The following ETNK1 variants were observed in gnomAD, a reference collection of about 807,000 sequenced individuals.
ETNK1 encodes putative protein product of Nbla10396.
ETNK1 carries 8 observed loss-of-function variants against 45.1 expected under a neutral mutation model. That is an observed-to-expected ratio of 0.18 (90% CI 0.10 to 0.32). The LOEUF is 0.32. Ranked by LOEUF, ETNK1 falls within the 10% of genes least tolerant of loss-of-function variation. The probability of loss-of-function intolerance (pLI) is 1.00; values close to 1 mark genes in which losing one functional copy is unlikely to be tolerated. For synonymous variants in ETNK1, 152 were observed against 151.9 expected (o/e 1.00, Z -0.01); for missense variants, 302 against 430.6 (o/e 0.70, Z 2.64).
rs1954289226 is a variant in ETNK1 at position 22,689,856 on chromosome 12, A to G, written c.*4902A>G. 1 of 152,022 alleles carries G rather than the reference A, an allele frequency of 6.6e-6. No homozygotes were observed. The highest frequency in any genetic ancestry group is 1.5e-5 in the Non-Finnish European group (1 of 67,886). The allele number at this position is 152,022 out of a possible 1,614,324, so 9.4% of individuals were successfully genotyped here. The stretch of plus-strand genomic sequence containing the variant: ...GAAGTAGTTTCCTATATTTATCTGT[A>G]CTAAATTGACTATAAATTGAGTCTG... On this transcript the variant is annotated 3_prime_UTR_variant, in exon 8 of 8. Coordinates refer to ENST00000266517, the MANE Select transcript of ETNK1 (RefSeq NM_018638.5).
chr12:22,642,331 T>G (rs951450184), intron 1 of ETNK1, among the ~76,000 whole-genome samples: 3 of 152,062 alleles, frequency 2.0e-5, no homozygotes, highest in Non-Finnish European at 4.4e-5. Flanking sequence ...CAGATTTTAA[T>G]AAAATTATGA....
At chr12:22,650,861 T>A (rs1953865893) in intron 2 of ETNK1, among the ~76,000 whole-genome samples, 1 of 152,194 alleles carries the variant, frequency 6.6e-6, no homozygotes, top group Admixed American at 6.5e-5. Context: ...GCATTTTATT[T>A]AGTTAATAAA....
chr12:22,666,059 A>G lies in ETNK1; in HGVS notation c.700+4854A>G, dbSNP rs557448121. Among the ~76,000 whole-genome samples, 4 of 152,198 alleles carry G rather than the reference A, an allele frequency of 2.6e-5. No individual in the cohort carries two copies. In the South Asian group the frequency reaches 8.3e-4, roughly 31 times the overall value. On this transcript the variant is annotated intron_variant, in intron 4 of 7. Coordinates refer to ENST00000266517, the MANE Select transcript of ETNK1 (RefSeq NM_018638.5). ...GTAGGCATTTTTACATGCGAATGTT[A>G]TTGGAACAGATAGGCATCACGGGAA...
At chr12:22,684,244 C>G (rs1954239191) in intron 6 of ETNK1, among the ~76,000 whole-genome samples, 3 of 152,012 alleles carry the variant, frequency 2.0e-5, no homozygotes, top group Admixed American at 1.3e-4. Flanking sequence ...AGGAACTGGC[C>G]TCTATTTTTC....
intron 4 of ETNK1, among the ~76,000 whole-genome samples, chr12:22,661,534 T>C (rs1953999117): frequency 6.6e-6 from 1 of 152,164 alleles, no homozygotes; most frequent in Non-Finnish European, 1.5e-5. Flanking sequence ...AACATGTACC[T>C]GCTTGTAATG....
Position 22,661,157 on chromosome 12 carries a change from T to C in ETNK1, c.652T>C (p.Cys218Arg), listed in dbSNP as rs1953995253. Residue 218 changes from cysteine to arginine, a missense_variant, in exon 4 of 8, where the codon TGC (cysteine) becomes CGC (arginine). Physicochemically the swap from Cys to Arg is radical, Grantham distance 180 (BLOSUM62 -3). Transcript: ENST00000266517. ...CAACCTGGGCTCACCTGTTGTGCTT[T>C]GCCATAATGACCTATTGTGTAAGAA... Reference protein sequence around the residue: ...LSNLGSPVVLCHNDLLCKNII... With the variant: ...LSNLGSPVVLRHNDLLCKNII... The C allele has an allele frequency of 6.2e-7, 1 of 1,612,402 alleles. No homozygotes were observed. Among genetic ancestry groups the C allele is most frequent in the Admixed American group, 1.7e-5 (1 of 59,550 alleles).
chr12:22,630,317 T>C (rs1441211109), intron 1 of ETNK1, among the ~76,000 whole-genome samples: 1 of 152,178 alleles, frequency 6.6e-6, no homozygotes, highest in African/African-American at 2.4e-5. Context: ...TAAAATTCAG[T>C]AATTCTGACA....
intron 4 of ETNK1, among the ~76,000 whole-genome samples, chr12:22,667,865 A>C (rs1592133028): frequency 1.3e-5 from 2 of 152,194 alleles, no homozygotes; most frequent in East Asian, 3.8e-4. Context: ...AAAAATTGGC[A>C]GAGTATTTTT....
intron 1 of ETNK1, among the ~76,000 whole-genome samples, chr12:22,630,891 A>G (rs1419115836): frequency 1.3e-5 from 2 of 152,038 alleles, no homozygotes; most frequent in Admixed American, 6.5e-5. Flanking sequence ...GATTACAGGC[A>G]TGAGCCACCG....
At chr12:22,640,837 C>A (rs1392514190) in intron 1 of ETNK1, among the ~76,000 whole-genome samples, 1 of 152,124 alleles carries the variant, frequency 6.6e-6, no homozygotes, top group Admixed American at 6.6e-5. Context: ...CTACTACTAT[C>A]TGAAATACTT....
chr12:22,690,530 A>G lies in ETNK1; in HGVS notation c.*5576A>G, dbSNP rs1408354938. 1 of 152,572 alleles carries G rather than the reference A, an allele frequency of 6.6e-6. No individual in the cohort carries two copies. The highest frequency in any genetic ancestry group is 6.5e-5 in the Admixed American group (1 of 15,276). The allele number at this position is 152,572 out of a possible 1,614,324, so 9.5% of individuals were successfully genotyped here. The stretch of plus-strand genomic sequence containing the variant: ...AAGCTGTTTGTCTTTCAGTTCAAAT[A>G]TAAGTGATGTTTAGGCTTTATTTCT... On this transcript the variant is annotated 3_prime_UTR_variant, in exon 8 of 8. Coordinates refer to ENST00000266517, the MANE Select transcript of ETNK1 (RefSeq NM_018638.5).
Position 22,686,649 on chromosome 12 carries a change from G to A in ETNK1, c.*1695G>A, listed in dbSNP as rs758857992. ...CAGATTTGGTTTCTACCTCCCCAAT[G>A]TTATAAATGTTCACTTTTGTTTTTA... On this transcript the variant is annotated 3_prime_UTR_variant, in exon 8 of 8. Coordinates refer to ENST00000266517, the MANE Select transcript of ETNK1 (RefSeq NM_018638.5). 1 of 152,106 alleles carries A rather than the reference G, an allele frequency of 6.6e-6. No individual in the cohort carries two copies. The highest frequency in any genetic ancestry group is 1.5e-5 in the Non-Finnish European group (1 of 67,732). 9.4% of individuals were successfully genotyped at this position (152,106 alleles called of 1,614,324 possible).
chr12:22,652,590 C>T (rs1279872305), intron 2 of ETNK1, among the ~76,000 whole-genome samples: 1 of 152,114 alleles, frequency 6.6e-6, no homozygotes, highest in Non-Finnish European at 1.5e-5. Context: ...TTGCGTTTGC[C>T]TAATGAGTAG....
At chr12:22,637,761 G>T (rs1051576399) in intron 1 of ETNK1, among the ~76,000 whole-genome samples, 2 of 152,052 alleles carry the variant, frequency 1.3e-5, no homozygotes, top group African/African-American at 4.8e-5. Context: ...CTCATTTTGG[G>T]GTTTGGAAGG....
chr12:22,660,569 G>GTA, intron 3 of ETNK1, among the ~76,000 whole-genome samples: 1 of 152,174 alleles, frequency 6.6e-6, no homozygotes. Flanking sequence ...TTTATCAACT[G>GTA]TAGACAGTAA....
Position 22,677,964 on chromosome 12 carries a change from C to T in ETNK1, c.945+4304C>T, listed in dbSNP as rs77194536. Among the ~76,000 whole-genome samples, 1,286 of 152,188 alleles carry T rather than the reference C, an allele frequency of 8.5e-3. 9 individuals carry two copies. Among genetic ancestry groups the T allele is most frequent in the Non-Finnish European group, 0.012 (790 of 68,010 alleles). On this transcript the variant is annotated intron_variant, in intron 6 of 7. Transcript: ENST00000266517. ...GTTTCGATTCCTGTTCTTATTTTAT[C>T]AGAATTTGCTGATCGTCTGTTGTGT...
chr12:22,687,614 C>T lies in ETNK1; in HGVS notation c.*2660C>T, dbSNP rs1236685885. The T allele has an allele frequency of 6.6e-6, 1 of 152,120 alleles. No individual in the cohort carries two copies. Among genetic ancestry groups the T allele is most frequent in the Non-Finnish European group, 1.5e-5 (1 of 67,760 alleles). 9.4% of individuals were successfully genotyped at this position (152,120 alleles called of 1,614,324 possible). A position where few individuals can be genotyped will look rare whatever the true frequency, so the allele number is the denominator to read the frequency against. On this transcript the variant is annotated 3_prime_UTR_variant, in exon 8 of 8. Transcript: ENST00000266517. ...TCTTTTCCTCCTAACCCCATGCTACCACCATTTTCTGGAAATCAAAGAGAT... is the reference window on the plus strand; with the variant it reads ...TCTTTTCCTCCTAACCCCATGCTACTACCATTTTCTGGAAATCAAAGAGAT...
intron 4 of ETNK1, among the ~76,000 whole-genome samples, chr12:22,662,840 T>C (rs1214812047): frequency 6.6e-6 from 1 of 152,216 alleles, no homozygotes; most frequent in African/African-American, 2.4e-5. Flanking sequence ...TGACCCTTCT[T>C]AGAGTGTAAA....
intron 1 of ETNK1, among the ~76,000 whole-genome samples, chr12:22,628,746 A>G (rs12319840): frequency 0.017 from 2,636 of 152,200 alleles, 83 homozygotes; most frequent in African/African-American, 0.057. Context: ...ACTTGTCACT[A>G]TGAATTTTTC....
Sources: gnomAD v4.1 joint callset for allele counts (sites outside exome capture counted in the v4.1 genomes callset) on GRCh38, gnomAD v4.1.1 for gene constraint, MANE v1.5 for transcripts, NCBI Gene and HGNC (gene_info 2026-07-23, HGNC 2026-07-21) for gene names.